IP6K3: variants seen among roughly 807,000 people sequenced by gnomAD.
IP6K3 encodes ATP:1D-myo-inositol-hexakisphosphate phosphotransferase.
Under a neutral mutation model 28.8 loss-of-function variants are expected in IP6K3, and 20 were observed. The ratio of observed to expected loss-of-function variants is 0.70; its 90% CI spans 0.49 to 1.01. The LOEUF (loss-of-function observed/expected upper bound fraction) is 1.01, where lower values mean the gene tolerates loss of function less well. Ranked by LOEUF, IP6K3 falls within the 50% of genes least tolerant of loss-of-function variation. IP6K3 has a pLI of 0.00. For missense variants in IP6K3, 480 were observed against 537.1 expected, an observed-to-expected ratio of 0.89 and a Z score of 1.05; for synonymous variants, 213 against 221.3, an observed-to-expected ratio of 0.96 and a Z score of 0.33.
chr6:33,740,905 CAA>C (rs1480249358), intron 1 of IP6K3, among the ~76,000 whole-genome samples: 1 of 152,240 alleles, frequency 6.6e-6, no homozygotes, highest in Admixed American at 6.5e-5. Flanking sequence ...TATATCTTAT[CAA>C]AGCCTGCTGG....
At position 33,725,615 on chromosome 6, in the gene IP6K3, C is replaced by A. The variant is rs747965090; in HGVS notation, c.591G>T (p.Arg197=). 5.9e-5 allele frequency: 95 copies of A among 1,613,160 alleles called. No homozygotes were observed. The highest frequency in any genetic ancestry group is 7.9e-5 in the Non-Finnish European group (93 of 1,179,348). ...ACACTACATTTTCCAGCAACAAGAA[C>A]CCTAGTCACACTAAGTTAAGGAAGG... ...CSEYPENKRH[R]FLLLENVVSQ... Residue 197 remains arginine, a splice_region_variant and synonymous_variant, in exon 5 of 6, where the codon CGG becomes CGT. Coordinates refer to ENST00000293756, the MANE Select transcript of IP6K3 (RefSeq NM_054111.5).
chr6:33,759,583 G>T, the IP6K3 span, among the ~76,000 whole-genome samples: 1 of 152,212 alleles, frequency 6.6e-6, no homozygotes, highest in African/African-American at 2.4e-5. Context: ...GGAGGGGAAG[G>T]CCGGGCGTGG....
the IP6K3 span, among the ~76,000 whole-genome samples, chr6:33,753,065 G>A: frequency 6.6e-6 from 1 of 152,204 alleles, no homozygotes; most frequent in African/African-American, 2.4e-5. Context: ...TAAGGACACA[G>A]GACTGTGGAT....
intron 2 of IP6K3, 102 bp downstream of exon 2, chr6:33,735,176 C>A (rs1766470071): frequency 6.0e-6 from 6 of 996,528 alleles, no homozygotes; most frequent in Admixed American, 2.2e-5. Context: ...CTGTGGCAAC[C>A]CTTACACACA....
chr6:33,753,346 G>T, the IP6K3 span, among the ~76,000 whole-genome samples: 2 of 152,182 alleles, frequency 1.3e-5, no homozygotes, highest in Non-Finnish European at 2.9e-5. Flanking sequence ...ATCTGGCATT[G>T]TCCCCCAAAT....
In IP6K3 at chr6:33,738,883, A is replaced by C. The variant is rs181504233; in HGVS notation, c.-179-3228T>G. Among the ~76,000 whole-genome samples, 67 of 152,228 alleles carry C rather than the reference A, an allele frequency of 4.4e-4. No individual in the cohort carries two copies. The East Asian group carries it at 0.012, about 27-fold the overall frequency. ...CCTGTCCCCTATCCCACTTGATGAC[A>C]TTCAGTACATGGGCTAGGAGTGGGT... On this transcript the variant is annotated intron_variant, in intron 1 of 5. Transcript: ENST00000293756.
intron 3 of IP6K3, among the ~76,000 whole-genome samples, 192 bp from the exon 4 acceptor site, chr6:33,727,098 G>A (rs1034109797): frequency 2.0e-5 from 3 of 152,242 alleles, no homozygotes; most frequent in African/African-American, 7.2e-5. Flanking sequence ...CCACACTGCA[G>A]CCCTCAAGGG....
Position 33,725,503 on chromosome 6 carries a change from G to A in IP6K3, c.703C>T (p.His235Tyr), listed in dbSNP as rs748337571. Residue 235 changes from histidine (H) to tyrosine (Y), a missense_variant, in exon 5 of 6, where the codon CAC becomes TAC. Physicochemically the swap from His to Tyr is moderately conservative, Grantham distance 83. Coordinates refer to ENST00000293756, the MANE Select transcript of IP6K3 (RefSeq NM_054111.5). ...GTGCTCTGCGCACACTTCCTCATGT[G>A]GCGGGCCTTCTTCTCCTCCGATGCA... ...DDASEEKKAR[H>Y]MRKCAQSTSA... The A allele has an allele frequency of 1.2e-6, 2 of 1,613,958 alleles. No individual in the cohort carries two copies. The highest frequency in any genetic ancestry group is 2.2e-5 in the East Asian group (1 of 44,888).
the IP6K3 span, among the ~76,000 whole-genome samples, chr6:33,755,526 T>C: frequency 1.1e-4 from 16 of 152,296 alleles, no homozygotes; most frequent in East Asian, 2.9e-3. Context: ...AGAGAGCAAA[T>C]AGAAATACCA....
rs971379398 is a variant in IP6K3 at position 33,744,390 on chromosome 6, C to T, written c.-180+2368G>A. On this transcript the variant is annotated intron_variant, in intron 1 of 5. Transcript: ENST00000293756. The surrounding 1 kb of genome is among the most constrained non-coding windows in gnomAD (Gnocchi z 4.4). ...AGCCACAGACGTAAGGTGTTGCCAG[C>T]GGTTAGCATGGCAGTTTTATGGTTG... Among the ~76,000 whole-genome samples the T allele has an allele frequency of 6.6e-6, 1 of 152,150 alleles. No individual in the cohort carries two copies. Among genetic ancestry groups the T allele is most frequent in the Non-Finnish European group, 1.5e-5 (1 of 68,050 alleles).
At position 33,742,244 on chromosome 6, in the gene IP6K3, T is replaced by G. The variant is rs1352058825; in HGVS notation, c.-180+4514A>C. On this transcript the variant is annotated intron_variant, in intron 1 of 5. Coordinates refer to ENST00000293756, the MANE Select transcript of IP6K3 (RefSeq NM_054111.5). The surrounding 1 kb of genome is among the most constrained non-coding windows in gnomAD (Gnocchi z 4.5). ...GTCTCACTCTGAAGTCGACGCCCATTCTGACCACGTGCAGTCTGCTTGGAC... is the reference window on the plus strand; with the variant it reads ...GTCTCACTCTGAAGTCGACGCCCATGCTGACCACGTGCAGTCTGCTTGGAC... 6.6e-6 allele frequency among the ~76,000 whole-genome samples: 1 copy of G among 152,102 alleles called. No homozygotes were observed. Among genetic ancestry groups the G allele is most frequent in the African/African-American group, 2.4e-5 (1 of 41,422 alleles).
At position 33,735,545 on chromosome 6, in the gene IP6K3, A is replaced by T; in HGVS notation, c.-69T>A. 6.4e-7 allele frequency: 1 copy of T among 1,563,738 alleles called. No homozygotes were observed. The highest frequency in any genetic ancestry group is 8.6e-7 in the Non-Finnish European group (1 of 1,160,848). On this transcript the variant is annotated 5_prime_UTR_variant, in exon 2 of 6. Transcript: ENST00000293756. ...GAGGAAGGTTTGAAGTAGAAAGGGC[A>T]GCTCCCAACAGCACACGGGGCTGTC...
chr6:33,723,112 T>C lies in IP6K3; in HGVS notation c.841A>G (p.Arg281Gly), dbSNP rs1294324324. The C allele has an allele frequency of 6.2e-7, 1 of 1,614,176 alleles. No individual in the cohort carries two copies. Among genetic ancestry groups the C allele is most frequent in the Admixed American group, 1.7e-5 (1 of 60,028 alleles). ...TGTAGGAACTGATAGAGGGCTTGTC[T>C]GAACCCCTCCACTGAGAGTTTTCTT... is the stretch of plus-strand genomic sequence containing the variant. Reference protein sequence around the residue: ...YGRKLSVEGFRQALYQFLHNG... With the variant: ...YGRKLSVEGFGQALYQFLHNG... The change falls in exon 6 of 6, where the codon AGA (arginine) becomes GGA (glycine). Residue 281 changes from arginine to glycine, a missense_variant. Arg to Gly is a moderately radical substitution (Grantham distance 125). Coordinates refer to ENST00000293756, the MANE Select transcript of IP6K3 (RefSeq NM_054111.5).
At chr6:33,751,744 A>G (rs988128729), upstream of IP6K3, among the ~76,000 whole-genome samples, 2 of 152,124 alleles carry the variant, frequency 1.3e-5, no homozygotes, top group South Asian at 2.1e-4. This position sits in a 1 kb window ranked among gnomAD's most constrained non-coding sequence, Gnocchi z 4.3. Flanking sequence ...TGGGGCCCCC[A>G]CTCCTAACAC....
chr6:33,732,154 C>T (rs770144421), intron 2 of IP6K3, among the ~76,000 whole-genome samples: 2 of 152,204 alleles, frequency 1.3e-5, no homozygotes, highest in Non-Finnish European at 2.9e-5. Flanking sequence ...CAGTGCTGGC[C>T]GGCAGCCTGG....
At chr6:33,754,044 C>T in the IP6K3 span, among the ~76,000 whole-genome samples, 5 of 152,002 alleles carry the variant, frequency 3.3e-5, no homozygotes, top group Admixed American at 6.6e-5. Context: ...CTCCTGACCT[C>T]GTGATCTGCC....
rs958720599 is a variant in IP6K3 at position 33,733,781 on chromosome 6, T to C, written c.199+1497A>G. On this transcript the variant is annotated intron_variant, in intron 2 of 5. Transcript: ENST00000293756. ...CCGTGTGTGACGCTGATCGGTCTTG[T>C]CTTAGACTCTCAGGAGGTCCTGGCA... is the stretch of plus-strand genomic sequence containing the variant. 2.6e-5 allele frequency among the ~76,000 whole-genome samples: 4 copies of C among 152,190 alleles called. 1 individual carries two copies. Among genetic ancestry groups the C allele is most frequent in the Admixed American group, 2.6e-4 (4 of 15,278 alleles).
chr6:33,749,140 G>C (rs1766987339), upstream of IP6K3, among the ~76,000 whole-genome samples: 1 of 152,130 alleles, frequency 6.6e-6, no homozygotes, highest in African/African-American at 2.4e-5. Flanking sequence ...GGTTCTAGAG[G>C]GGGAAGGACT....
upstream of IP6K3, among the ~76,000 whole-genome samples, chr6:33,750,506 C>A (rs918665981): frequency 2.0e-5 from 3 of 152,182 alleles, no homozygotes; most frequent in Non-Finnish European, 2.9e-5. This position sits in a 1 kb window ranked among gnomAD's most constrained non-coding sequence, Gnocchi z 4.3. Context: ...CCACCTCGTC[C>A]CTTTTTTTAG....
Sources: allele counts gnomAD v4.1 joint callset (sites outside exome capture counted in the v4.1 genomes callset), GRCh38; gene constraint gnomAD v4.1.1; non-coding constraint Gnocchi (gnomAD v3.1); transcripts MANE v1.5; gene names NCBI Gene and HGNC (gene_info 2026-07-23, HGNC 2026-07-21).